Variants in CCDC175 observed in about 807,000 individuals in gnomAD.
The protein encoded by CCDC175 is coiled-coil domain containing 175, also known as coiled-coil domain-containing protein 175.
In CCDC175, 100 loss-of-function variants were observed where a neutral mutation model predicts 114.6. The ratio of observed to expected loss-of-function variants is 0.87; its 90% CI spans 0.74 to 1.03. CCDC175 has a LOEUF of 1.03. Ranked by LOEUF, CCDC175 falls within the 50% of genes least tolerant of loss-of-function variation. The pLI, the probability that CCDC175 is intolerant of heterozygous loss-of-function variation, is 0.00. For synonymous variants in CCDC175, 306 were observed against 308.7 expected, an observed-to-expected ratio of 0.99 and a Z score of 0.09; for missense variants, 880 against 917.8, an observed-to-expected ratio of 0.96 and a Z score of 0.53.
Position 59,538,717 on chromosome 14 carries a change from T to C in CCDC175, c.1479A>G (p.Glu493=). The C allele has an allele frequency of 1.3e-6, 2 of 1,535,464 alleles. No individual in the cohort carries two copies. Among genetic ancestry groups the C allele is most frequent in the Non-Finnish European group, 1.7e-6 (2 of 1,146,292 alleles). Residue 493 remains glutamate (E), a synonymous_variant, in exon 12 of 20, where the codon GAA becomes GAG. Transcript: ENST00000537690. The part of the protein sequence containing the change: ...KIQNAEVRRI[E]LLNETSFRQQ... Reference sequence around the variant, plus strand: ...TCAGTTCTCTTACCTCGTTAAGTAATTCAATTCGTCTAACTTCTGCATTCT... The same window carrying C: ...TCAGTTCTCTTACCTCGTTAAGTAACTCAATTCGTCTAACTTCTGCATTCT...
intron 5 of CCDC175, chr14:59,564,493 C>T (rs1317564221): frequency 1.3e-5 from 2 of 155,348 alleles, no homozygotes; most frequent in South Asian, 2.0e-4. Context: ...TTTTAATTAA[C>T]ATGGCACAGC....
intron 18 of CCDC175, 138 bp from the exon 19 acceptor site, chr14:59,510,946 A>G: frequency 2.9e-6 from 2 of 698,498 alleles, no homozygotes; most frequent in Non-Finnish European, 2.3e-6. Flanking sequence ...GTGCTTGTGT[A>G]CACAGCCAAT....
chr14:59,516,267 C>T (rs1212162092), intron 17 of CCDC175, among the ~76,000 whole-genome samples: 1 of 151,990 alleles, frequency 6.6e-6, no homozygotes, highest in African/African-American at 2.4e-5. Context: ...ACTAGAGAAG[C>T]AAGAGCAAAC....
rs1170172421 is a variant in CCDC175, at chr14:59,565,163, T to C, written c.604A>G (p.Ile202Val). 6.5e-7 allele frequency: 1 copy of C among 1,537,810 alleles called. No homozygotes were observed. Among genetic ancestry groups the C allele is most frequent in the Non-Finnish European group, 8.7e-7 (1 of 1,147,056 alleles). ...TVYINETYTK[I>V]NLKREDIALQ... ...GCTATGTCTTCTCTCTTCAAGTTTA[T>C]TTTGGTATAAGTCTCATTTATGTAA... is the stretch of plus-strand genomic sequence containing the variant. The change falls in exon 5 of 20, where the codon ATA (isoleucine) becomes GTA (valine). Residue 202 changes from isoleucine (I) to valine (V), a missense_variant. Ile to Val is a conservative substitution (Grantham distance 29). Transcript: ENST00000537690.
At chr14:59,506,460 G>GTATT (rs914728261) in intron 19 of CCDC175, among the ~76,000 whole-genome samples, 1 of 151,808 alleles carries the variant, frequency 6.6e-6, no homozygotes, top group African/African-American at 2.4e-5. Context: ...GCTAATTTTT[G>GTATT]TATTTGTAGT....
Position 59,545,258 on chromosome 14 carries a change from G to C in CCDC175, c.1077C>G (p.Asp359Glu). ...TLHAARMEYKDLREKMKTLAR... is the reference protein window; with the variant it reads ...TLHAARMEYKELREKMKTLAR... Reference sequence around the variant, plus strand: ...CAAGAGTTTTCATTTTCTCTCGTAGGTCTTTGTATTCCATACGAGCAGCAT... The same window carrying C: ...CAAGAGTTTTCATTTTCTCTCGTAGCTCTTTGTATTCCATACGAGCAGCAT... The change falls in exon 9 of 20, where the codon GAC (aspartate) becomes GAG (glutamate). Residue 359 changes from aspartate to glutamate, a missense_variant. Transcript: ENST00000537690. The C allele has an allele frequency of 6.5e-7, 1 of 1,536,534 alleles. No homozygotes were observed. Among genetic ancestry groups the C allele is most frequent in the Non-Finnish European group, 8.7e-7 (1 of 1,146,626 alleles).
chr14:59,528,517 A>T (rs1240819410), intron 14 of CCDC175, among the ~76,000 whole-genome samples: 1 of 151,526 alleles, frequency 6.6e-6, no homozygotes, highest in Non-Finnish European at 1.5e-5. Flanking sequence ...TATATAGTAG[A>T]GGAGATTTTA....
chr14:59,574,343 A>G (rs1323235383), intron 2 of CCDC175, among the ~76,000 whole-genome samples: 1 of 152,196 alleles, frequency 6.6e-6, no homozygotes, highest in Non-Finnish European at 1.5e-5. Context: ...AGCATTGTCA[A>G]TGTGATCCTT....
At chr14:59,535,303 T>A (rs1444966410) in intron 13 of CCDC175, among the ~76,000 whole-genome samples, 1 of 152,190 alleles carries the variant, frequency 6.6e-6, no homozygotes, top group Non-Finnish European at 1.5e-5. Context: ...GGTTTTGCAG[T>A]TGATTTTCTT....
chr14:59,565,951 TATC>T (rs1196421000), intron 4 of CCDC175, among the ~76,000 whole-genome samples: 1 of 152,176 alleles, frequency 6.6e-6, no homozygotes, highest in Non-Finnish European at 1.5e-5. Context: ...ATGTCTATCT[TATC>T]ATCCTGAGAT....
Position 59,506,572 on chromosome 14 carries a change from G to A in CCDC175, c.2306-1257C>T, listed in dbSNP as rs541495808. The stretch of plus-strand genomic sequence containing the variant: ...CAAAGTACTGGGATTAGAGGCATGG[G>A]CCACCACACCCAGCTGAGCACAGGG... On this transcript the variant is annotated intron_variant, in intron 19 of 19. Transcript: ENST00000537690. Among the ~76,000 whole-genome samples the A allele has an allele frequency of 8.7e-4, 132 of 152,238 alleles. 2 individuals carry two copies. Among genetic ancestry groups the A allele is most frequent in the African/African-American group, 3.1e-3 (127 of 41,542 alleles).
At chr14:59,537,898 T>C (rs914572410) in intron 13 of CCDC175, 125 bp downstream of exon 13, 4 of 608,722 alleles carry the variant, frequency 6.6e-6, no homozygotes, top group Non-Finnish European at 1.0e-5. Context: ...CAGAATGAAA[T>C]TGTAGCCTCT....
intron 17 of CCDC175, among the ~76,000 whole-genome samples, chr14:59,512,809 T>G (rs1292507303): frequency 2.1e-5 from 1 of 48,276 alleles, no homozygotes; most frequent in East Asian, 4.1e-4. Flanking sequence ...AGCAGGGGTG[T>G]GTGTGTGTGT....
At chr14:59,569,128 T>C (rs1248819537) in intron 3 of CCDC175, among the ~76,000 whole-genome samples, 3 of 152,258 alleles carry the variant, frequency 2.0e-5, no homozygotes, top group Non-Finnish European at 2.9e-5. Flanking sequence ...TCAATATGCA[T>C]GAATTTTTGA....
At chr14:59,514,274 GGAA>G (rs1892931173) in intron 17 of CCDC175, among the ~76,000 whole-genome samples, 2 of 152,174 alleles carry the variant, frequency 1.3e-5, no homozygotes, top group Admixed American at 1.3e-4. Context: ...TTCCTCCAAA[GGAA>G]CGCAGCTCCT....
intron 19 of CCDC175, among the ~76,000 whole-genome samples, chr14:59,508,114 G>A (rs1192377977): frequency 4.0e-5 from 6 of 151,780 alleles, no homozygotes; most frequent in East Asian, 1.9e-4. Context: ...AATCACCCCC[G>A]ACCCCCCACA....
intron 9 of CCDC175, among the ~76,000 whole-genome samples, chr14:59,543,744 T>C (rs777441044): frequency 1.3e-5 from 2 of 152,206 alleles, no homozygotes; most frequent in Non-Finnish European, 2.9e-5. Flanking sequence ...TTGGTCCATG[T>C]TGGCCTCCCA....
chr14:59,515,702 C>T (rs560610499), intron 17 of CCDC175, among the ~76,000 whole-genome samples: 1 of 152,194 alleles, frequency 6.6e-6, no homozygotes, highest in South Asian at 2.1e-4. Flanking sequence ...ACTTAGACTC[C>T]CACACAATAA....
chr14:59,527,904 TTTTC>T (rs1461006476), intron 14 of CCDC175, among the ~76,000 whole-genome samples: 2 of 152,090 alleles, frequency 1.3e-5, no homozygotes, highest in Non-Finnish European at 2.9e-5. Context: ...GCATTTTTCT[TTTTC>T]TTTTTTTAAA....
Sources: allele counts gnomAD v4.1 joint callset (sites outside exome capture counted in the v4.1 genomes callset), GRCh38; gene constraint gnomAD v4.1.1; transcripts MANE v1.5; gene names NCBI Gene and HGNC (gene_info 2026-07-23, HGNC 2026-07-21).